Variants in VHL observed in about 807,000 individuals in gnomAD.
The protein encoded by VHL is von Hippel-Lindau tumor suppressor.
VHL carries 10 observed loss-of-function variants against 19.2 expected under a neutral mutation model. That is an observed-to-expected ratio of 0.52 (90% CI 0.32 to 0.89). The LOEUF (loss-of-function observed/expected upper bound fraction) is 0.89. Among genes scored for constraint, VHL ranks in the 40% least tolerant of loss-of-function variants. The probability of loss-of-function intolerance (pLI) is 0.03; values close to 1 mark genes in which losing one functional copy is unlikely to be tolerated. For synonymous variants in VHL, 167 were observed against 129.5 expected (o/e 1.29, Z -1.97); for missense variants, 328 against 292.7 (o/e 1.12, Z -0.88).
In VHL at chr3:10,142,006, G is replaced by C. The variant is rs1553619385; in HGVS notation, c.159G>C (p.Glu53Asp). Residue 53 changes from glutamate to aspartate, a missense_variant, in exon 1 of 3, where the codon GAG becomes GAC. Coordinates refer to ENST00000256474, the MANE Select transcript of VHL (RefSeq NM_000551.4). ...SGPEELGAEE[E>D]MEAGRPRPVL... ...CGGAGGAACTGGGCGCCGAGGAGGA[G>C]ATGGAGGCCGGGCGGCCGCGGCCCG... 1 of 1,586,488 alleles carries C rather than the reference G, an allele frequency of 6.3e-7. No homozygotes were observed.
intron 2 of VHL, among the ~76,000 whole-genome samples, chr3:10,148,162 G>A (rs1204756810): frequency 6.6e-6 from 1 of 151,890 alleles, no homozygotes; most frequent in African/African-American, 2.4e-5. Flanking sequence ...AAACTACTAT[G>A]TGTGTATAGA....
In VHL at chr3:10,150,122, C is replaced by T. The variant is rs1696373122; in HGVS notation, c.*157C>T. On this transcript the variant is annotated 3_prime_UTR_variant, in exon 3 of 3. Transcript: ENST00000256474. ...CTTAAAAGAAAGTTAACTGACTTCACTAGGCATTGTGATGTTTAGGGGCAA... is the reference window on the plus strand; with the variant it reads ...CTTAAAAGAAAGTTAACTGACTTCATTAGGCATTGTGATGTTTAGGGGCAA... 3.3e-6 allele frequency: 5 copies of T among 1,513,100 alleles called. No individual in the cohort carries two copies. Among genetic ancestry groups the T allele is most frequent in the Non-Finnish European group, 4.4e-6 (5 of 1,131,284 alleles). 93.7% of individuals were successfully genotyped at this position (1,513,100 alleles called of 1,614,324 possible).
At position 10,142,062 on chromosome 3, in the gene VHL, C is replaced by T. The variant is rs962558566; in HGVS notation, c.215C>T (p.Ser72Phe). Residue 72 changes from serine (S) to phenylalanine (F), a missense_variant, in exon 1 of 3, where the codon TCC (serine) becomes TTC (phenylalanine). Coordinates refer to ENST00000256474, the MANE Select transcript of VHL (RefSeq NM_000551.4). ...VLRSVNSREP[S>F]QVIFCNRSPR... is the part of the protein sequence containing the mutation. The stretch of plus-strand genomic sequence containing the variant: ...CGCTCGGTGAACTCGCGCGAGCCCT[C>T]CCAGGTCATCTTCTGCAATCGCAGT... The T allele has an allele frequency of 1.2e-6, 2 of 1,607,220 alleles. No homozygotes were observed. Among genetic ancestry groups the T allele is most frequent in the African/African-American group, 1.3e-5 (1 of 75,006 alleles).
rs1407546350 is a variant in VHL, at chr3:10,149,659, C to G, written c.464-128C>G. ...CATAACACACTGCCACATACATGCACTCACTTTTTTTCTTTAACCTAAAGT... is the reference window on the plus strand; with the variant it reads ...CATAACACACTGCCACATACATGCAGTCACTTTTTTTCTTTAACCTAAAGT... On this transcript the variant is annotated intron_variant, in intron 2 of 2. Transcript: ENST00000256474. The G allele has an allele frequency of 3.7e-6, 3 of 804,690 alleles. No individual in the cohort carries two copies. The African/African-American group carries it at 5.1e-5, about 14-fold the overall frequency. The allele number at this position is 804,690 out of a possible 1,614,324, so 49.8% of individuals were successfully genotyped here.
In VHL at chr3:10,142,123, C is replaced by T. The variant is rs1442093467; in HGVS notation, c.276C>T (p.Asp92=). The change falls in exon 1 of 3, where the codon GAC becomes GAT. Residue 92 remains aspartate, a synonymous_variant. Coordinates refer to ENST00000256474, the MANE Select transcript of VHL (RefSeq NM_000551.4). ...RVVLPVWLNF[D]GEPQPYPTLP... is the part of the protein sequence containing the mutation. ...TGCTGCCCGTATGGCTCAACTTCGA[C>T]GGCGAGCCGCAGCCCTACCCAACGC... The T allele has an allele frequency of 2.5e-6, 4 of 1,600,754 alleles. No individual in the cohort carries two copies. The highest frequency in any genetic ancestry group is 1.1e-5 in the South Asian group (1 of 91,040).
At position 10,142,102 on chromosome 3, in the gene VHL, G is replaced by T. The variant is rs876658508; in HGVS notation, c.255G>T (p.Leu85=). 2 of 1,603,550 alleles carry T rather than the reference G, an allele frequency of 1.2e-6. No individual in the cohort carries two copies. The highest frequency in any genetic ancestry group is 1.7e-4 in the Middle Eastern group (1 of 6,056). The part of the protein sequence containing the change: ...IFCNRSPRVV[L]PVWLNFDGEP... ...GCAATCGCAGTCCGCGCGTCGTGCT[G>T]CCCGTATGGCTCAACTTCGACGGCG... Residue 85 remains leucine (L), a synonymous_variant, in exon 1 of 3, where the codon CTG becomes CTT. Coordinates refer to ENST00000256474, the MANE Select transcript of VHL (RefSeq NM_000551.4).
intron 1 of VHL, among the ~76,000 whole-genome samples, chr3:10,146,078 C>G (rs964887714): frequency 2.0e-5 from 3 of 151,644 alleles, no homozygotes; most frequent in African/African-American, 7.3e-5. Flanking sequence ...ACTAGAAGGG[C>G]TTTGTATAAT....
In VHL at chr3:10,149,955, T is replaced by C. The variant is rs1366708242; in HGVS notation, c.632T>C (p.Met211Thr). Reference protein sequence around the residue: ...LTQERIAHQRMGD With the variant: ...LTQERIAHQRTGD ...CAGGAGCGCATTGCACATCAACGGA[T>C]GGGAGATTGAAGATTTCTGTTGAAA... Residue 211 changes from methionine to threonine, a missense_variant, in exon 3 of 3, where the codon ATG (methionine) becomes ACG (threonine). Coordinates refer to ENST00000256474, the MANE Select transcript of VHL (RefSeq NM_000551.4). 1 of 1,613,744 alleles carries C rather than the reference T, an allele frequency of 6.2e-7. No individual in the cohort carries two copies.
At position 10,153,440 on chromosome 3, in the gene VHL, CAAAAAAACAAA is replaced by C. The variant is rs1377115498; in HGVS notation, c.*3485_*3495del. Among the ~76,000 whole-genome samples the C allele has an allele frequency of 6.7e-6, 1 of 149,392 alleles. No individual in the cohort carries two copies. The highest frequency in any genetic ancestry group is 1.9e-4 in the East Asian group (1 of 5,134). The stretch of plus-strand genomic sequence containing the variant: ...GTGAAATTCCATCTCAAAAAGAAAC[CAAAAAAACAAA>C]AAAAAAACATGCCGTTTGAGTACTG... On this transcript the variant is annotated 3_prime_UTR_variant, in exon 3 of 3. Transcript: ENST00000256474.
Position 10,150,308 on chromosome 3 carries a change from G to A in VHL, c.*343G>A. On this transcript the variant is annotated 3_prime_UTR_variant, in exon 3 of 3. Transcript: ENST00000256474. ...CAGCATATCGTTTAATTTTAAGAAG[G>A]CATTGGCATCTGCTTTTAATGGATG... The A allele has an allele frequency of 7.9e-7, 1 of 1,270,406 alleles. No individual in the cohort carries two copies. The highest frequency in any genetic ancestry group is 1.6e-5 in the South Asian group (1 of 62,314). The allele number at this position is 1,270,406 out of a possible 1,614,324, so 78.7% of individuals were successfully genotyped here.
rs1696122809 is a variant in VHL at position 10,141,971 on chromosome 3, G to A, written c.124G>A (p.Glu42Lys). 2 of 1,558,140 alleles carry A rather than the reference G, an allele frequency of 1.3e-6. No individual in the cohort carries two copies. The highest frequency in any genetic ancestry group is 1.2e-5 in the South Asian group (1 of 84,886). Residue 42 changes from glutamate (E) to lysine (K), a missense_variant, in exon 1 of 3, where the codon GAG becomes AAG. Physicochemically the swap from Glu to Lys is moderately conservative, Grantham distance 56. Coordinates refer to ENST00000256474, the MANE Select transcript of VHL (RefSeq NM_000551.4). ...GGGCGCCGAGGAGTCCGGCCCGGAAGAGTCCGGCCCGGAGGAACTGGGCGC... is the reference window on the plus strand; with the variant it reads ...GGGCGCCGAGGAGTCCGGCCCGGAAAAGTCCGGCCCGGAGGAACTGGGCGC... ...ESGAEESGPE[E>K]SGPEELGAEE...
chr3:10,151,611 T>C lies in VHL; in HGVS notation c.*1646T>C. The C allele has an allele frequency of 4.5e-6, 1 of 220,938 alleles. No individual in the cohort carries two copies. The allele number at this position is 220,938 out of a possible 1,614,324, so 13.7% of individuals were successfully genotyped here. On this transcript the variant is annotated 3_prime_UTR_variant, in exon 3 of 3. Coordinates refer to ENST00000256474, the MANE Select transcript of VHL (RefSeq NM_000551.4). Reference sequence around the variant, plus strand: ...GTACTGTTCATACAGTTTTATACCCTTTTTCATTTAACTTTATAACTTAAA... The same window carrying C: ...GTACTGTTCATACAGTTTTATACCCCTTTTCATTTAACTTTATAACTTAAA...
In VHL at chr3:10,150,459, C is replaced by G. The variant is rs993992905; in HGVS notation, c.*494C>G. 1.5e-5 allele frequency: 11 copies of G among 746,856 alleles called. No homozygotes were observed. Among genetic ancestry groups the G allele is most frequent in the East Asian group, 4.5e-5 (1 of 22,442 alleles). 46.3% of individuals were successfully genotyped at this position (746,856 alleles called of 1,614,324 possible). A position where few individuals can be genotyped will look rare whatever the true frequency, so the allele number is the denominator to read the frequency against. Reference sequence around the variant, plus strand: ...CTTTGAGACCCCAGTGCCTGCACATCATGAGCCTTCAGTCAGGGTTTGTCA... The same window carrying G: ...CTTTGAGACCCCAGTGCCTGCACATGATGAGCCTTCAGTCAGGGTTTGTCA... On this transcript the variant is annotated 3_prime_UTR_variant, in exon 3 of 3. Transcript: ENST00000256474.
rs1490977710 is a variant in VHL, at chr3:10,152,257, T to C, written c.*2292T>C. 6.6e-6 allele frequency: 1 copy of C among 152,626 alleles called. No individual in the cohort carries two copies. Among genetic ancestry groups the C allele is most frequent in the Non-Finnish European group, 1.5e-5 (1 of 68,784 alleles). 9.5% of individuals were successfully genotyped at this position (152,626 alleles called of 1,614,324 possible). On this transcript the variant is annotated 3_prime_UTR_variant, in exon 3 of 3. Coordinates refer to ENST00000256474, the MANE Select transcript of VHL (RefSeq NM_000551.4). ...GGTGGCGCATGCCTGTAATCCTAGC[T>C]ACTCAGGAGGCTGAGGCAGGAGAAT...
At chr3:10,147,599 AG>A (rs111836423) in intron 2 of VHL, among the ~76,000 whole-genome samples, 14 of 149,046 alleles carry the variant, frequency 9.4e-5, no homozygotes, top group African/African-American at 3.5e-4. Context: ...TCCTGACCTC[AG>A]GTGATCTGCC....
At chr3:10,147,969 G>T (rs1696304581) in intron 2 of VHL, among the ~76,000 whole-genome samples, 1 of 151,826 alleles carries the variant, frequency 6.6e-6, no homozygotes, top group South Asian at 2.1e-4. Context: ...CTTAGCATAT[G>T]CCTGTGGTCA....
Position 10,150,781 on chromosome 3 carries a change from G to C in VHL, c.*816G>C, listed in dbSNP as rs142396182. ...AAAATACGAGAAAATCTGCATGTTTGATTATAGTATTAATGGACAAATAAG... is the reference window on the plus strand; with the variant it reads ...AAAATACGAGAAAATCTGCATGTTTCATTATAGTATTAATGGACAAATAAG... On this transcript the variant is annotated 3_prime_UTR_variant, in exon 3 of 3. Transcript: ENST00000256474. 4.7e-5 allele frequency: 11 copies of C among 233,188 alleles called. No individual in the cohort carries two copies. Among genetic ancestry groups the C allele is most frequent in the Middle Eastern group, 1.3e-3 (1 of 786 alleles). The allele number at this position is 233,188 out of a possible 1,614,324, so 14.4% of individuals were successfully genotyped here.
chr3:10,153,371 G>A lies in VHL; in HGVS notation c.*3406G>A, dbSNP rs916422485. Among the ~76,000 whole-genome samples the A allele has an allele frequency of 5.9e-5, 9 of 151,982 alleles. No individual in the cohort carries two copies. Among genetic ancestry groups the A allele is most frequent in the Non-Finnish European group, 1.2e-4 (8 of 67,990 alleles). On this transcript the variant is annotated 3_prime_UTR_variant, in exon 3 of 3. Transcript: ENST00000256474. ...TTGAACCCGGGAGGCGGAGGTTGCA[G>A]TGAGCCAAGATCACACCATTGCACT...
Position 10,153,171 on chromosome 3 carries a change from G to A in VHL, c.*3206G>A, listed in dbSNP as rs948854751. 3.3e-5 allele frequency among the ~76,000 whole-genome samples: 5 copies of A among 151,984 alleles called. No individual in the cohort carries two copies. The highest frequency in any genetic ancestry group is 1.9e-4 in the East Asian group (1 of 5,176). On this transcript the variant is annotated 3_prime_UTR_variant, in exon 3 of 3. Coordinates refer to ENST00000256474, the MANE Select transcript of VHL (RefSeq NM_000551.4). Reference sequence around the variant, plus strand: ...TGAGCGCCTGTAGTCCCAGCTACTCGAGAGCCTGAGGCAGGAGAATGGCAT... The same window carrying A: ...TGAGCGCCTGTAGTCCCAGCTACTCAAGAGCCTGAGGCAGGAGAATGGCAT...
Sources: gnomAD v4.1 joint callset for allele counts (sites outside exome capture counted in the v4.1 genomes callset) on GRCh38, gnomAD v4.1.1 for gene constraint, MANE v1.5 for transcripts, NCBI Gene and HGNC (gene_info 2026-07-23, HGNC 2026-07-21) for gene names.